PTPRG: variants seen among roughly 807,000 people sequenced by gnomAD.
PTPRG encodes receptor-type tyrosine-protein phosphatase gamma.
A neutral mutation model predicts 165.3 loss-of-function variants in PTPRG; 102 were observed. The observed-to-expected ratio is 0.62, with a 90% CI of 0.53 to 0.73. The LOEUF is 0.73. PTPRG is among the 30% of genes least tolerant of loss of function. The probability of loss-of-function intolerance (pLI) is 0.00; values close to 1 mark genes in which losing one functional copy is unlikely to be tolerated. For missense variants in PTPRG, 1,866 were observed against 1,861.4 expected, an observed-to-expected ratio of 1.00 and a Z score of -0.05; for synonymous variants, 675 against 669.5, an observed-to-expected ratio of 1.01 and a Z score of -0.13.
chr3:62,186,584 T>TTTTTTTTTTTGG (rs1705897860), intron 8 of PTPRG, among the ~76,000 whole-genome samples: 1 of 148,192 alleles, frequency 6.7e-6, no homozygotes, highest in African/African-American at 2.5e-5. Flanking sequence ...TTTTTTTTTT[T>TTTTTTTTTTTGG]GAGATAGGGT....
chr3:61,959,491 A>T (rs1344857359), intron 2 of PTPRG, among the ~76,000 whole-genome samples: 1 of 152,146 alleles, frequency 6.6e-6, no homozygotes, highest in Non-Finnish European at 1.5e-5. Context: ...TCGCTCTCCT[A>T]TGAGAATGTA....
chr3:61,700,661 G>A (rs1272753498), intron 1 of PTPRG, among the ~76,000 whole-genome samples: 2 of 152,154 alleles, frequency 1.3e-5, no homozygotes, highest in Admixed American at 1.3e-4. Flanking sequence ...CAACTCCAGG[G>A]CTTCTCAAAA....
chr3:62,270,429 G>T (rs1365725711), intron 20 of PTPRG, among the ~76,000 whole-genome samples: 1 of 152,096 alleles, frequency 6.6e-6, no homozygotes, highest in Non-Finnish European at 1.5e-5. Context: ...AAATAGAGCT[G>T]CTGGCTGGCT....
chr3:61,648,631 C>T (rs921652800), intron 1 of PTPRG, among the ~76,000 whole-genome samples: 2 of 152,212 alleles, frequency 1.3e-5, no homozygotes, highest in Non-Finnish European at 2.9e-5. Context: ...CTAATGCCTG[C>T]ACTTCCCAGG....
chr3:61,815,913 T>C (rs1331786100), intron 2 of PTPRG, among the ~76,000 whole-genome samples: 2 of 152,376 alleles, frequency 1.3e-5, no homozygotes, highest in East Asian at 3.9e-4. Flanking sequence ...TTTTCATTTT[T>C]ATTTCATTTT....
intron 1 of PTPRG, among the ~76,000 whole-genome samples, chr3:61,739,946 T>C (rs555938815): frequency 6.6e-6 from 1 of 152,312 alleles, no homozygotes; most frequent in South Asian, 2.1e-4. Context: ...AATACAGATA[T>C]TGGTGTTCTC....
At chr3:61,768,362 T>C (rs66970003) in intron 2 of PTPRG, among the ~76,000 whole-genome samples, 15,366 of 152,268 alleles carry the variant, frequency 0.1, 1,147 homozygotes, top group East Asian at 0.42. Flanking sequence ...TAAATAATTT[T>C]CCTGGTTTCT....
At chr3:61,563,650 C>A (rs891201593) in intron 1 of PTPRG, among the ~76,000 whole-genome samples, 11 of 152,318 alleles carry the variant, frequency 7.2e-5, no homozygotes, top group Admixed American at 1.3e-4. Flanking sequence ...TGGAGGTTAT[C>A]TGAATCAAGA....
intron 7 of PTPRG, among the ~76,000 whole-genome samples, chr3:62,163,581 G>A (rs1168146858): frequency 2.0e-5 from 3 of 152,180 alleles, no homozygotes; most frequent in Non-Finnish European, 4.4e-5. Context: ...TCATAGGTTT[G>A]ATAAATATAA....
At position 62,255,073 on chromosome 3, in the gene PTPRG, GT is replaced by G; in HGVS notation, c.2468-47del. The G allele has an allele frequency of 6.7e-7, 1 of 1,490,900 alleles. No homozygotes were observed. Among genetic ancestry groups the G allele is most frequent in the East Asian group, 2.3e-5 (1 of 43,486 alleles). 92.4% of individuals were successfully genotyped at this position (1,490,900 alleles called of 1,614,324 possible). A position where few individuals can be genotyped will look rare whatever the true frequency, so the allele number is the denominator to read the frequency against. ...ATGCTTTGCTTTATCAGTGTAATTT[GT>G]TTTATGGAAGTATTCTATGTAACTT... On this transcript the variant is annotated intron_variant, in intron 15 of 29. Transcript: ENST00000474889. This position sits in a 1 kb window ranked among gnomAD's most constrained non-coding sequence, Gnocchi z 4.0.
intron 4 of PTPRG, among the ~76,000 whole-genome samples, chr3:62,070,218 A>T (rs1701164481): frequency 1.3e-5 from 2 of 152,242 alleles, no homozygotes; most frequent in Non-Finnish European, 2.9e-5. Context: ...AGAAAGTAAC[A>T]TAATCTGTAT....
intron 1 of PTPRG, among the ~76,000 whole-genome samples, chr3:61,624,261 A>C (rs1007645315): frequency 2.0e-5 from 3 of 152,054 alleles, no homozygotes; most frequent in African/African-American, 7.2e-5. Flanking sequence ...AGATATGCTG[A>C]ATGAAAATCT....
chr3:62,281,152 G>T (rs1702417124), intron 26 of PTPRG, among the ~76,000 whole-genome samples: 1 of 152,046 alleles, frequency 6.6e-6, no homozygotes, highest in African/African-American at 2.4e-5. Context: ...TTTGCAAAAT[G>T]CAGTTCAACT....
chr3:61,638,597 T>TTTTTTG (rs1701982832), intron 1 of PTPRG, among the ~76,000 whole-genome samples: 1 of 138,104 alleles, frequency 7.2e-6, no homozygotes, highest in Non-Finnish European at 1.6e-5. Flanking sequence ...GCTAGTTTTT[T>TTTTTTG]TTTTTTTTTT....
At chr3:61,947,545 T>G (rs1171194248) in intron 2 of PTPRG, among the ~76,000 whole-genome samples, 1 of 152,170 alleles carries the variant, frequency 6.6e-6, no homozygotes, top group Non-Finnish European at 1.5e-5. Context: ...TAGGATTTAT[T>G]CAGGCATGTA....
chr3:61,774,104 A>G, intron 2 of PTPRG, among the ~76,000 whole-genome samples: 1 of 152,108 alleles, frequency 6.6e-6, no homozygotes, highest in East Asian at 1.9e-4. Context: ...AGGCTTAGAG[A>G]GTATCTAAGA....
intron 2 of PTPRG, among the ~76,000 whole-genome samples, chr3:61,944,345 C>T (rs1216906322): frequency 6.6e-6 from 1 of 152,190 alleles, no homozygotes; most frequent in African/African-American, 2.4e-5. Flanking sequence ...ACAACTGATG[C>T]CCTCCTGTTC....
intron 4 of PTPRG, among the ~76,000 whole-genome samples, chr3:62,056,835 T>C (rs1456009652): frequency 6.6e-6 from 1 of 152,142 alleles, no homozygotes; most frequent in Non-Finnish European, 1.5e-5. Context: ...CTATTTAGGG[T>C]GGTTGCTGGC....
At chr3:62,126,169 T>C (rs561216975) in intron 5 of PTPRG, among the ~76,000 whole-genome samples, 2 of 152,304 alleles carry the variant, frequency 1.3e-5, no homozygotes, top group South Asian at 2.1e-4. Context: ...CCTGCGGGGA[T>C]TGGTTTTTCC....
Sources: allele counts gnomAD v4.1 joint callset (sites outside exome capture counted in the v4.1 genomes callset), GRCh38; gene constraint gnomAD v4.1.1; non-coding constraint Gnocchi (gnomAD v3.1); transcripts MANE v1.5; gene names NCBI Gene and HGNC (gene_info 2026-07-23, HGNC 2026-07-21).